STARD13: variants seen among roughly 807,000 people sequenced by gnomAD.
The protein encoded by STARD13 is stAR-related lipid transfer protein 13.
STARD13 carries 62 observed loss-of-function variants against 106.4 expected under a neutral mutation model. The ratio of observed to expected loss-of-function variants is 0.58; its 90% CI spans 0.48 to 0.72. The LOEUF is 0.72. STARD13 is among the 30% of genes least tolerant of loss of function. The pLI, the probability that STARD13 is intolerant of heterozygous loss-of-function variation, is 0.00. For missense variants in STARD13, 1,387 were observed against 1,424.0 expected (o/e 0.97, Z 0.42); for synonymous variants, 565 against 553.0 (o/e 1.02, Z -0.31).
intron 1 of STARD13, among the ~76,000 whole-genome samples, chr13:33,172,286 T>C (rs1381691878): frequency 6.6e-6 from 1 of 152,238 alleles, no homozygotes; most frequent in Non-Finnish European, 1.5e-5. Flanking sequence ...TTTTTAAATA[T>C]TTGATTTTTG....
At chr13:33,242,541 C>G (rs1422889668) in intron 1 of STARD13, among the ~76,000 whole-genome samples, 1 of 152,100 alleles carries the variant, frequency 6.6e-6, no homozygotes, top group Non-Finnish European at 1.5e-5. Context: ...TAAACAGATG[C>G]TTGAAGGCAG....
chr13:33,143,786 C>T lies in STARD13; in HGVS notation c.324-1413G>A, dbSNP rs367953074. On this transcript the variant is annotated intron_variant, in intron 3 of 13. Transcript: ENST00000336934. ...CAGGATGGTCTCGATCTCCTGACCT[C>T]GTGATCCACCCACCTCAGCCTCCCA... Among the ~76,000 whole-genome samples the T allele has an allele frequency of 1.4e-4, 21 of 152,058 alleles. No homozygotes were observed. In the South Asian group the frequency reaches 3.7e-3, roughly 27 times the overall value.
chr13:33,496,607 C>T, the STARD13 span, among the ~76,000 whole-genome samples: 6 of 152,122 alleles, frequency 3.9e-5, no homozygotes, highest in East Asian at 7.7e-4. Flanking sequence ...CACCTGTATG[C>T]ATAGGCACAT....
the STARD13 span, among the ~76,000 whole-genome samples, chr13:33,659,291 C>G: frequency 6.8e-6 from 1 of 147,140 alleles, no homozygotes; most frequent in East Asian, 2.0e-4. Context: ...TCTCGTCTCA[C>G]TGCAACCTCT....
chr13:33,635,704 T>C, the STARD13 span, among the ~76,000 whole-genome samples: 41 of 150,746 alleles, frequency 2.7e-4, no homozygotes, highest in Non-Finnish European at 5.2e-4. Flanking sequence ...TAGCACAGGC[T>C]GGGCGCAGTG....
chr13:33,327,884 C>G (rs941759739), intron 1 of STARD13, among the ~76,000 whole-genome samples: 2 of 152,140 alleles, frequency 1.3e-5, no homozygotes, highest in Non-Finnish European at 2.9e-5. Context: ...AAAACTGAAA[C>G]CTGAACAAAG....
chr13:33,624,349 G>A, the STARD13 span, among the ~76,000 whole-genome samples: 18,439 of 152,222 alleles, frequency 0.12, 2,829 homozygotes, highest in African/African-American at 0.36. Flanking sequence ...ATGTCTGTAA[G>A]GGTGATCTTG....
chr13:33,434,901 G>A, the STARD13 span, among the ~76,000 whole-genome samples: 2,359 of 135,062 alleles, frequency 0.017, 75 homozygotes, highest in African/African-American at 0.061. Flanking sequence ...AAAGAAGGAA[G>A]GAAGGAAGGA....
At chr13:33,516,830 C>G in the STARD13 span, among the ~76,000 whole-genome samples, 1 of 151,244 alleles carries the variant, frequency 6.6e-6, no homozygotes, top group African/African-American at 2.4e-5. Context: ...AATCCCAGCA[C>G]TTTGGAAGGA....
the STARD13 span, among the ~76,000 whole-genome samples, chr13:33,617,209 G>T: frequency 6.6e-6 from 1 of 152,184 alleles, no homozygotes; most frequent in Admixed American, 6.5e-5. Context: ...ATCATGGGCT[G>T]ACTCAATAAC....
the STARD13 span, among the ~76,000 whole-genome samples, chr13:33,514,110 A>C: frequency 6.6e-6 from 1 of 152,200 alleles, no homozygotes; most frequent in Non-Finnish European, 1.5e-5. Flanking sequence ...TCTCTCTGAC[A>C]TCAGTAGATG....
the STARD13 span, among the ~76,000 whole-genome samples, chr13:33,434,251 G>C: frequency 1.3e-5 from 2 of 150,066 alleles, no homozygotes; most frequent in East Asian, 4.0e-4. Context: ...CACTCAGGAG[G>C]CTGAGGCAGA....
At chr13:33,495,647 A>C in the STARD13 span, among the ~76,000 whole-genome samples, 1 of 151,886 alleles carries the variant, frequency 6.6e-6, no homozygotes, top group Non-Finnish European at 1.5e-5. Context: ...AGCTAGTAAG[A>C]AGGAAGAGGA....
chr13:33,286,835 C>A (rs1348628800), upstream of STARD13, among the ~76,000 whole-genome samples: 2 of 151,206 alleles, frequency 1.3e-5, no homozygotes. Context: ...TCAGTTTGGC[C>A]ATATCTGAGT....
intron 8 of STARD13, chr13:33,117,846 T>C: frequency 1.0e-6 from 1 of 985,288 alleles, no homozygotes; most frequent in South Asian, 4.7e-5. Context: ...AAGGAATATT[T>C]TGATGTCAAA....
At chr13:33,304,095 G>A (rs1244239095) in intron 1 of STARD13, among the ~76,000 whole-genome samples, 1 of 152,212 alleles carries the variant, frequency 6.6e-6, no homozygotes, top group African/African-American at 2.4e-5. Flanking sequence ...GAAGAAAACT[G>A]TGTGGACTTT....
intron 1 of STARD13, among the ~76,000 whole-genome samples, chr13:33,189,442 GGAGGGAAAGCA>G (rs1324216569): frequency 0.01 from 1,297 of 127,020 alleles, 34 homozygotes; most frequent in African/African-American, 0.035. Flanking sequence ...TTCGGAGGAA[GGAGGGAAAGCA>G]GGAGGAAAGG....
At chr13:33,127,334 A>G in intron 6 of STARD13, 39 bp downstream of exon 6, 2 of 1,520,508 alleles carry the variant, frequency 1.3e-6, no homozygotes, top group Non-Finnish European at 1.8e-6. Context: ...ACTTAGCTCT[A>G]GAGCCAAGGA....
At chr13:33,466,855 T>C in the STARD13 span, among the ~76,000 whole-genome samples, 1 of 152,218 alleles carries the variant, frequency 6.6e-6, no homozygotes, top group Non-Finnish European at 1.5e-5. Flanking sequence ...ATAGGGCTTC[T>C]GTGAAATCAA....
Sources: allele counts gnomAD v4.1 joint callset (sites outside exome capture counted in the v4.1 genomes callset), GRCh38; gene constraint gnomAD v4.1.1; transcripts MANE v1.5; gene names NCBI Gene and HGNC (gene_info 2026-07-23, HGNC 2026-07-21).